Variants in COL26A1 observed in about 807,000 individuals in gnomAD.
COL26A1 encodes collagen type XXVI alpha 1 chain, also known as collagen alpha-1(XXVI) chain.
A neutral mutation model predicts 59.3 loss-of-function variants in COL26A1; 41 were observed. The observed-to-expected ratio is 0.69, with a 90% confidence interval of 0.54 to 0.90. COL26A1 has a LOEUF of 0.90. Among genes scored for constraint, COL26A1 ranks in the 40% least tolerant of loss-of-function variants. COL26A1 has a pLI of 0.00. For missense variants in COL26A1, 612 were observed against 602.3 expected (o/e 1.02, Z -0.17); for synonymous variants, 266 against 256.0 (o/e 1.04, Z -0.37).
At chr7:101,528,609 G>T (rs936997525) in intron 3 of COL26A1, among the ~76,000 whole-genome samples, 1 of 151,608 alleles carries the variant, frequency 6.6e-6, no homozygotes, top group Non-Finnish European at 1.5e-5. Context: ...GTGCAGTGGC[G>T]CCAACATGGC....
rs547885266 is a variant in COL26A1 at position 101,398,180 on chromosome 7, C to T, written c.159-21797C>T. On this transcript the variant is annotated intron_variant, in intron 1 of 12. Transcript: ENST00000313669. Reference sequence around the variant, plus strand: ...CACTGCAGGAATCCCATGCTGCTTCCATTCTCCTTTCGTGGACATTCTGGA... The same window carrying T: ...CACTGCAGGAATCCCATGCTGCTTCTATTCTCCTTTCGTGGACATTCTGGA... Among the ~76,000 whole-genome samples, 7 of 152,312 alleles carry T rather than the reference C, an allele frequency of 4.6e-5. No homozygotes were observed. The East Asian group carries it at 1.4e-3, about 29-fold the overall frequency.
At chr7:101,496,150 T>C (rs1312652958) in intron 3 of COL26A1, among the ~76,000 whole-genome samples, 1 of 152,176 alleles carries the variant, frequency 6.6e-6, no homozygotes, top group Non-Finnish European at 1.5e-5. Context: ...CCACGTCTCC[T>C]GGCAAACCGG....
chr7:101,452,013 A>G (rs937115589), intron 3 of COL26A1, among the ~76,000 whole-genome samples: 13 of 151,990 alleles, frequency 8.6e-5, no homozygotes, highest in Admixed American at 6.6e-4. Context: ...AGCCAAAATC[A>G]TTTGCTTTTT....
At chr7:101,387,734 AATTATATATATATATATATT>A (rs1318232786) in intron 1 of COL26A1, among the ~76,000 whole-genome samples, 1 of 79,062 alleles carries the variant, frequency 1.3e-5, no homozygotes, top group African/African-American at 4.0e-5. Flanking sequence ...ATTTTAATAT[AATTATATATATATATATATT>A]TATATATATA....
At chr7:101,413,965 G>C (rs1340807923) in intron 1 of COL26A1, among the ~76,000 whole-genome samples, 4 of 152,222 alleles carry the variant, frequency 2.6e-5, no homozygotes, top group Non-Finnish European at 5.9e-5. Context: ...AGGTGCGCAG[G>C]TGGGCGGTGG....
At chr7:101,372,825 G>A (rs764659839) in intron 1 of COL26A1, among the ~76,000 whole-genome samples, 4 of 151,892 alleles carry the variant, frequency 2.6e-5, no homozygotes, top group Non-Finnish European at 5.9e-5. Flanking sequence ...GCAAGACCCC[G>A]TCTCTACCAA....
At position 101,363,113 on chromosome 7, in the gene COL26A1, C is replaced by T. The variant is rs1433496391; in HGVS notation, c.81C>T (p.Phe27=). The T allele has an allele frequency of 3.2e-6, 5 of 1,548,742 alleles. No individual in the cohort carries two copies. The highest frequency in any genetic ancestry group is 1.2e-5 in the South Asian group (1 of 84,764). ...SALATGFLYP[F]SAAALQQHGY... is the part of the protein sequence containing the mutation. ...TGGCCACCGGCTTCCTCTATCCCTT[C>T]TCGGCCGCAGCTCTGCAGCAGCACG... is the stretch of plus-strand genomic sequence containing the variant. The change falls in exon 1 of 13, where the codon TTC becomes TTT. Residue 27 remains phenylalanine (F), a synonymous_variant. Transcript: ENST00000313669.
chr7:101,460,706 G>A (rs113849716), intron 3 of COL26A1, among the ~76,000 whole-genome samples: 17 of 152,072 alleles, frequency 1.1e-4, no homozygotes, highest in Non-Finnish European at 2.1e-4. Flanking sequence ...GCTTGAACCC[G>A]GGAGGCGGAG....
chr7:101,445,657 G>A lies in COL26A1; in HGVS notation c.282-2027G>A, dbSNP rs1485269690. 3.6e-3 allele frequency among the ~76,000 whole-genome samples: 537 copies of A among 149,040 alleles called. 4 individuals carry two copies. The highest frequency in any genetic ancestry group is 0.013 in the African/African-American group (518 of 40,502). ...TGAGGCAGGAGAATGGCGTGAACCC[G>A]GGAGGCGGAGCTTGCAGTGAGCCGA... On this transcript the variant is annotated intron_variant, in intron 2 of 12. Transcript: ENST00000313669.
At chr7:101,529,489 G>A (rs142368616) in intron 3 of COL26A1, among the ~76,000 whole-genome samples, 200 of 152,144 alleles carry the variant, frequency 1.3e-3, no homozygotes, top group African/African-American at 4.3e-3. Context: ...GGCTGGTCTC[G>A]AACTCCTGAT....
At chr7:101,501,734 G>C (rs1794710274) in intron 3 of COL26A1, among the ~76,000 whole-genome samples, 2 of 152,222 alleles carry the variant, frequency 1.3e-5, no homozygotes, top group African/African-American at 4.8e-5. Flanking sequence ...GACTCTTGGA[G>C]GTGCATGCTC....
At chr7:101,557,161 A>G (rs1034988343) in intron 12 of COL26A1, among the ~76,000 whole-genome samples, 3 of 151,948 alleles carry the variant, frequency 2.0e-5, no homozygotes, top group African/African-American at 7.2e-5. Context: ...GAATGGGTCA[A>G]TGGACAGGTG....
chr7:101,431,694 A>G (rs1459442745), intron 2 of COL26A1, among the ~76,000 whole-genome samples: 2 of 151,546 alleles, frequency 1.3e-5, no homozygotes, highest in East Asian at 3.9e-4. Flanking sequence ...TGATCATGTG[A>G]TTTTTCTTCG....
chr7:101,533,535 G>T (rs1220625736), intron 4 of COL26A1, among the ~76,000 whole-genome samples: 2 of 152,324 alleles, frequency 1.3e-5, no homozygotes, highest in East Asian at 3.9e-4. Context: ...AGGAGGAACT[G>T]CTGGGAAGTG....
intron 1 of COL26A1, among the ~76,000 whole-genome samples, chr7:101,409,203 C>T (rs891577452): frequency 2.0e-5 from 3 of 152,186 alleles, no homozygotes; most frequent in Admixed American, 6.5e-5. Context: ...TCTCATCTCA[C>T]TGGTTTCAAA....
intron 3 of COL26A1, among the ~76,000 whole-genome samples, chr7:101,474,964 G>A (rs947265098): frequency 1.4e-4 from 21 of 152,152 alleles, no homozygotes; most frequent in African/African-American, 4.6e-4. Context: ...AGGCCAAGGC[G>A]GGTGGATCCC....
rs866112932 is a variant in COL26A1, at chr7:101,383,732, G to A, written c.158+20542G>A. Among the ~76,000 whole-genome samples, 11 of 151,960 alleles carry A rather than the reference G, an allele frequency of 7.2e-5. No homozygotes were observed. The South Asian group carries it at 2.1e-3, about 29-fold the overall frequency. ...GTATTTTTAGTAGAGACAGGGTTTC[G>A]CCATGTTGGCCAGGCTAGTCTTGAA... On this transcript the variant is annotated intron_variant, in intron 1 of 12. Transcript: ENST00000313669.
intron 3 of COL26A1, among the ~76,000 whole-genome samples, chr7:101,518,850 T>C (rs17135583): frequency 0.26 from 38,988 of 151,960 alleles, 5,187 homozygotes; most frequent in African/African-American, 0.31. Flanking sequence ...ACTTGAAATC[T>C]CTCCACCGAG....
At position 101,382,431 on chromosome 7, in the gene COL26A1, T is replaced by G. The variant is rs188951193; in HGVS notation, c.158+19241T>G. Among the ~76,000 whole-genome samples the G allele has an allele frequency of 7.2e-5, 11 of 152,320 alleles. No individual in the cohort carries two copies. In the East Asian group the frequency reaches 2.1e-3, roughly 29 times the overall value. On this transcript the variant is annotated intron_variant, in intron 1 of 12. Coordinates refer to ENST00000313669, the MANE Select transcript of COL26A1 (RefSeq NM_001278563.3). ...ACACTTTTATTGAATAACCCATTCT[T>G]CCTTGCTAATTTGAAATGCCACTTT...
Sources: gnomAD v4.1 joint callset for allele counts (sites outside exome capture counted in the v4.1 genomes callset) on GRCh38, gnomAD v4.1.1 for gene constraint, MANE v1.5 for transcripts, NCBI Gene and HGNC (gene_info 2026-07-23, HGNC 2026-07-21) for gene names.